RABL3: variants seen among roughly 807,000 people sequenced by gnomAD.
The protein encoded by RABL3 is RAB, member of RAS oncogene family like 3, also known as rab-like protein 3.
A neutral mutation model predicts 31.8 loss-of-function variants in RABL3; 31 were observed. That is an observed-to-expected ratio of 0.97 (90% CI 0.73 to 1.31). The LOEUF (loss-of-function observed/expected upper bound fraction) is 1.31. Among genes scored for constraint, RABL3 ranks in the 40% most tolerant of loss-of-function variants. RABL3 has a pLI of 0.00. For missense variants in RABL3, 263 were observed against 279.6 expected, an observed-to-expected ratio of 0.94 and a Z score of 0.42; for synonymous variants, 97 against 99.9, an observed-to-expected ratio of 0.97 and a Z score of 0.18.
rs1170726876 is a variant in RABL3 at position 120,687,170 on chromosome 3, A to G, written c.*2653T>C. 6.6e-6 allele frequency: 1 copy of G among 152,174 alleles called. No homozygotes were observed. Among genetic ancestry groups the G allele is most frequent in the African/African-American group, 2.4e-5 (1 of 41,432 alleles). 9.4% of individuals were successfully genotyped at this position (152,174 alleles called of 1,614,324 possible). ...AAGGGACAGAGGAGTAGTCATATAT[A>G]TGCCTTCATATCTGGTCACCTTCAC... On this transcript the variant is annotated 3_prime_UTR_variant, in exon 8 of 8. Coordinates refer to ENST00000273375, the MANE Select transcript of RABL3 (RefSeq NM_173825.5).
intron 2 of RABL3, among the ~76,000 whole-genome samples, chr3:120,729,052 C>G (rs577265431): frequency 6.6e-6 from 1 of 152,024 alleles, no homozygotes; most frequent in African/African-American, 2.4e-5. Flanking sequence ...ACTATAGATG[C>G]CTTTTTGAAA....
intron 7 of RABL3, 53 bp downstream of exon 7, chr3:120,690,396 A>G (rs1708366462): frequency 7.6e-7 from 1 of 1,319,718 alleles, no homozygotes; most frequent in African/African-American, 1.5e-5. Flanking sequence ...TTAAATTTGG[A>G]AATCACCTAT....
intron 2 of RABL3, chr3:120,722,116 T>C (rs1708750448): frequency 6.6e-6 from 1 of 152,150 alleles, no homozygotes; most frequent in African/African-American, 2.4e-5. Context: ...CCGACGCATA[T>C]ACCACGTGAA....
At chr3:120,706,628 T>TTTTTTTTTTTTTTTTTTTTTTGAGACGG (rs1216005895) in intron 3 of RABL3, among the ~76,000 whole-genome samples, 1 of 151,378 alleles carries the variant, frequency 6.6e-6, no homozygotes, top group African/African-American at 2.4e-5. Flanking sequence ...TGCTATTCTT[T>TTTTTTTTTTTTTTTTTTTTTTGAGACGG]AGCTGACAAA....
At chr3:120,702,399 A>C (rs1239531630) in intron 4 of RABL3, among the ~76,000 whole-genome samples, 1 of 152,056 alleles carries the variant, frequency 6.6e-6, no homozygotes, top group South Asian at 2.1e-4. Context: ...TCACGCTCCT[A>C]TGAGAATCTA....
At position 120,727,499 on chromosome 3, in the gene RABL3, T is replaced by C. The variant is rs115239316; in HGVS notation, c.138+3197A>G. On this transcript the variant is annotated intron_variant, in intron 2 of 7. Transcript: ENST00000273375. ...AAACTTAGGTCCAGATGGTTTCACC[T>C]GTGAATTCTTTCAAATATCTAAGAA... Among the ~76,000 whole-genome samples the C allele has an allele frequency of 3.3e-3, 500 of 152,240 alleles. 2 individuals carry two copies. The highest frequency in any genetic ancestry group is 0.011 in the African/African-American group (464 of 41,566).
rs369657699 is a variant in RABL3, at chr3:120,687,803, T to C, written c.*2020A>G. ...ATTTATATATTTATATATTTATTTA[T>C]TTATTTTCTTTTAGTTGGAGTCTCA... On this transcript the variant is annotated 3_prime_UTR_variant, in exon 8 of 8. Transcript: ENST00000273375. 2 of 151,344 alleles carry C rather than the reference T, an allele frequency of 1.3e-5. No individual in the cohort carries two copies. Among genetic ancestry groups the C allele is most frequent in the East Asian group, 1.9e-4 (1 of 5,176 alleles). 9.4% of individuals were successfully genotyped at this position (151,344 alleles called of 1,614,324 possible). A position where few individuals can be genotyped will look rare whatever the true frequency, so the allele number is the denominator to read the frequency against.
chr3:120,729,541 T>C (rs560097613), intron 2 of RABL3, among the ~76,000 whole-genome samples: 1 of 152,194 alleles, frequency 6.6e-6, no homozygotes, highest in South Asian at 2.1e-4. Context: ...AATAAGTATG[T>C]TGGAAATTAT....
intron 2 of RABL3, among the ~76,000 whole-genome samples, chr3:120,717,112 C>T (rs1262204244): frequency 1.3e-5 from 2 of 151,900 alleles, no homozygotes; most frequent in Non-Finnish European, 1.5e-5. Flanking sequence ...AAAATTTAGC[C>T]AGGCGTGGTG....
chr3:120,704,312 C>A (rs1708525022), intron 4 of RABL3, among the ~76,000 whole-genome samples: 1 of 152,180 alleles, frequency 6.6e-6, no homozygotes, highest in South Asian at 2.1e-4. Context: ...CCTAAAGAAG[C>A]AGCCACATGT....
chr3:120,738,156 A>G (rs1708995404), intron 1 of RABL3, among the ~76,000 whole-genome samples: 1 of 152,212 alleles, frequency 6.6e-6, no homozygotes, highest in Admixed American at 6.5e-5. Context: ...GGCTCCACCC[A>G]GTTCGAGCTT....
Position 120,724,502 on chromosome 3 carries a change from A to G in RABL3, c.138+6194T>C, listed in dbSNP as rs141086766. ...GAGCCCACATTGCCAAGTCAATCCTATGCCAAAAGGACAAAGCTGGAGGCA... is the reference window on the plus strand; with the variant it reads ...GAGCCCACATTGCCAAGTCAATCCTGTGCCAAAAGGACAAAGCTGGAGGCA... On this transcript the variant is annotated intron_variant, in intron 2 of 7. Coordinates refer to ENST00000273375, the MANE Select transcript of RABL3 (RefSeq NM_173825.5). 7.6e-3 allele frequency among the ~76,000 whole-genome samples: 1,162 copies of G among 152,362 alleles called. 15 individuals carry two copies. Among genetic ancestry groups the G allele is most frequent in the African/African-American group, 0.027 (1,102 of 41,578 alleles).
chr3:120,723,736 C>T (rs144013690), intron 2 of RABL3, among the ~76,000 whole-genome samples: 225 of 152,224 alleles, frequency 1.5e-3, no homozygotes, highest in African/African-American at 4.9e-3. Flanking sequence ...AAACCTTTGA[C>T]AAAATTCAAC....
intron 1 of RABL3, among the ~76,000 whole-genome samples, chr3:120,741,223 G>A (rs1448774287): frequency 1.3e-5 from 2 of 151,972 alleles, no homozygotes; most frequent in Non-Finnish European, 2.9e-5. Flanking sequence ...AATTAACTTC[G>A]GCACCACTTC....
At chr3:120,698,175 C>A (rs751673218) in intron 5 of RABL3, among the ~76,000 whole-genome samples, 44 of 152,062 alleles carry the variant, frequency 2.9e-4, no homozygotes, top group Non-Finnish European at 1.2e-4. Context: ...AAAAAAGAAG[C>A]CTATGATTTA....
At chr3:120,694,621 C>G (rs1708415910) in intron 5 of RABL3, among the ~76,000 whole-genome samples, 1 of 152,010 alleles carries the variant, frequency 6.6e-6, no homozygotes, top group South Asian at 2.1e-4. Flanking sequence ...TAGTTAATCA[C>G]CAGTGCTCAA....
intron 7 of RABL3, among the ~76,000 whole-genome samples, 167 bp downstream of exon 7, chr3:120,690,265 TCCTAGATCCTTATTTTC>T (rs1708364415): frequency 6.6e-6 from 1 of 152,198 alleles, no homozygotes; most frequent in Admixed American, 6.5e-5. Flanking sequence ...TATATTTGTT[TCCTAGATCCTTATTTTC>T]CCTTTGTTCT....
intron 1 of RABL3, among the ~76,000 whole-genome samples, chr3:120,741,567 T>G (rs780741055): frequency 7.9e-5 from 12 of 152,154 alleles, no homozygotes; most frequent in Non-Finnish European, 1.5e-4. Flanking sequence ...GAATTGGGGA[T>G]TATGGAAGAA....
Position 120,739,126 on chromosome 3 carries a change from C to A in RABL3, c.46+3336G>T, listed in dbSNP as rs560806734. Among the ~76,000 whole-genome samples the A allele has an allele frequency of 3.3e-5, 5 of 152,328 alleles. No homozygotes were observed. In the South Asian group the frequency reaches 8.3e-4, roughly 25 times the overall value. On this transcript the variant is annotated intron_variant, in intron 1 of 7. Transcript: ENST00000273375. ...AGGTGCGTTGGCTCACACCTGTAAT[C>A]CCAGCACTTTGGGAGGCTGAGGCAG... is the stretch of plus-strand genomic sequence containing the variant.
Sources: allele counts gnomAD v4.1 joint callset (sites outside exome capture counted in the v4.1 genomes callset), GRCh38; gene constraint gnomAD v4.1.1; transcripts MANE v1.5; gene names NCBI Gene and HGNC (gene_info 2026-07-23, HGNC 2026-07-21).